The following WDR33 variants were observed in gnomAD, a reference collection of about 807,000 sequenced individuals.
WDR33 encodes the protein pre-mRNA 3' end processing protein WDR33.
WDR33 carries 47 observed loss-of-function variants against 164.9 expected under a neutral mutation model. That is an observed-to-expected ratio of 0.29 (90% CI 0.23 to 0.36). The LOEUF is 0.36. WDR33 is among the 10% of genes least tolerant of loss of function. The probability of loss-of-function intolerance (pLI) is 1.00; values close to 1 mark genes in which losing one functional copy is unlikely to be tolerated. For missense variants in WDR33, 1,137 were observed against 1,754.1 expected, an observed-to-expected ratio of 0.65 and a Z score of 6.28; for synonymous variants, 505 against 589.0, an observed-to-expected ratio of 0.86 and a Z score of 2.06.
intron 1 of WDR33, among the ~76,000 whole-genome samples, chr2:127,784,411 G>T (rs760042454): frequency 9.9e-5 from 15 of 152,084 alleles, no homozygotes; most frequent in Non-Finnish European, 1.9e-4. Flanking sequence ...TCGAGACAGG[G>T]TCTCACTCTG....
intron 1 of WDR33, among the ~76,000 whole-genome samples, chr2:127,785,300 G>T (rs1235001510): frequency 6.6e-6 from 1 of 152,042 alleles, no homozygotes; most frequent in African/African-American, 2.4e-5. Flanking sequence ...TAGAATCAAT[G>T]AACCAACACT....
At position 127,712,344 on chromosome 2, in the gene WDR33, C is replaced by T. The variant is rs757723075; in HGVS notation, c.3308+1239G>A. 1.3e-3 allele frequency among the ~76,000 whole-genome samples: 202 copies of T among 151,414 alleles called. 2 individuals are homozygous for T. The highest frequency in any genetic ancestry group is 2.3e-3 in the Non-Finnish European group (158 of 67,904). ...CTGGAAGGTGGAGGCTGCAGTGAGC[C>T]GAGATCGTGCCACTGCACTCCAGCC... is the stretch of plus-strand genomic sequence containing the variant. On this transcript the variant is annotated intron_variant, in intron 18 of 21. Coordinates refer to ENST00000322313, the MANE Select transcript of WDR33 (RefSeq NM_018383.5). This position sits in a 1 kb window ranked among gnomAD's most constrained non-coding sequence, Gnocchi z 4.0.
chr2:127,808,787 T>A (rs1689525655), intron 1 of WDR33, among the ~76,000 whole-genome samples: 1 of 151,968 alleles, frequency 6.6e-6, no homozygotes, highest in African/African-American at 2.4e-5. Flanking sequence ...TCCCAGCACT[T>A]TGGGAGGCCG....
rs1049623109 is a variant in WDR33 at position 127,764,378 on chromosome 2, A to C, written c.626+450T>G. 21 of 1,433,342 alleles carry C rather than the reference A, an allele frequency of 1.5e-5. No individual in the cohort carries two copies. Among genetic ancestry groups the C allele is most frequent in the Non-Finnish European group, 1.8e-5 (20 of 1,095,792 alleles). 88.8% of individuals were successfully genotyped at this position (1,433,342 alleles called of 1,614,324 possible). On this transcript the variant is annotated intron_variant, in intron 6 of 21. Transcript: ENST00000322313. The surrounding 1 kb of genome is among the most constrained non-coding windows in gnomAD (Gnocchi z 6.2). ...ACTTTCCTTTGGAAGTCGTGGCATA[A>C]CCAAGCCAACCAGGTCTTCACTTAA...
chr2:127,768,225 T>G lies in WDR33; in HGVS notation c.342A>C (p.Ser114=). 1.3e-6 allele frequency: 2 copies of G among 1,583,422 alleles called. No individual in the cohort carries two copies. Among genetic ancestry groups the G allele is most frequent in the African/African-American group, 2.7e-5 (2 of 74,526 alleles). ...NAVTTKFVRT[S]TNKVKCPVFV... is the part of the protein sequence containing the mutation. The stretch of plus-strand genomic sequence containing the variant: ...ATACAGGACACTTTACTTTATTTGT[T>G]GATGTCCGAACAAATTTTGTTGTTA... Residue 114 remains serine (S), a synonymous_variant, in exon 4 of 22, where the codon TCA becomes TCC. Transcript: ENST00000322313.
At chr2:127,776,789 C>T (rs917688688) in intron 1 of WDR33, among the ~76,000 whole-genome samples, 3 of 152,174 alleles carry the variant, frequency 2.0e-5, no homozygotes, top group Non-Finnish European at 2.9e-5. Context: ...TTATTGACCA[C>T]GACAGAAAGA....
intron 1 of WDR33, among the ~76,000 whole-genome samples, chr2:127,807,452 G>GT (rs1291911156): frequency 6.6e-6 from 1 of 152,150 alleles, no homozygotes; most frequent in Admixed American, 6.6e-5. Context: ...AGTTTTGCAC[G>GT]TATCATCCCA....
At chr2:127,806,210 C>CTTTTTTT (rs200197402) in intron 1 of WDR33, among the ~76,000 whole-genome samples, 9 of 132,922 alleles carry the variant, frequency 6.8e-5, no homozygotes, top group South Asian at 2.4e-4. Context: ...TTTTCTTTTT[C>CTTTTTTT]TTTTTTTTTT....
chr2:127,786,222 A>C (rs1688562926), intron 1 of WDR33, among the ~76,000 whole-genome samples: 1 of 152,066 alleles, frequency 6.6e-6, no homozygotes, highest in African/African-American at 2.4e-5. Context: ...TTTTGTAGAG[A>C]CAGGGTCTCA....
At chr2:127,757,836 CAA>C (rs1311615215) in intron 7 of WDR33, among the ~76,000 whole-genome samples, 2 of 152,132 alleles carry the variant, frequency 1.3e-5, no homozygotes, top group Non-Finnish European at 2.9e-5. Context: ...TCACACAGTT[CAA>C]AAACACACTG....
At chr2:127,750,700 A>ATATATG (rs1553475074) in intron 7 of WDR33, among the ~76,000 whole-genome samples, 3 of 61,072 alleles carry the variant, frequency 4.9e-5, no homozygotes, top group Non-Finnish European at 8.6e-5. Context: ...ATATATATAT[A>ATATATG]TATATATATA....
intron 4 of WDR33, 103 bp from the exon 5 acceptor site, chr2:127,765,372 T>C: frequency 1.3e-6 from 1 of 788,422 alleles, no homozygotes; most frequent in Non-Finnish European, 2.0e-6. Flanking sequence ...CATTAAATAA[T>C]GATACTGACT....
chr2:127,726,682 C>T lies in WDR33; in HGVS notation c.820G>A (p.Asp274Asn). 1 of 1,614,168 alleles carries T rather than the reference C, an allele frequency of 6.2e-7. No homozygotes were observed. The highest frequency in any genetic ancestry group is 8.5e-7 in the Non-Finnish European group (1 of 1,180,030). Residue 274 changes from aspartate (D) to asparagine (N), a missense_variant, in exon 8 of 22, where the codon GAT becomes AAT. Around this residue, in one of 9 missense-constraint regions of WDR33, gnomAD observed 83 missense variants for 189.2 expected, o/e 0.44. Transcript: ENST00000322313. The surrounding 1 kb of genome is among the most constrained non-coding windows in gnomAD (Gnocchi z 4.8). ...KDSQQPIKFW[D>N]PKTGQSLATL... ...GCAAGACTCTGCCCAGTCTTGGGAT[C>T]CCAGAACTTGATTGGCTGTTGACTA...
At chr2:127,766,691 C>G (rs376395857) in intron 4 of WDR33, among the ~76,000 whole-genome samples, 27 of 152,012 alleles carry the variant, frequency 1.8e-4, no homozygotes, top group South Asian at 4.2e-4. Context: ...ATTAGCTGCA[C>G]ATCATACCCC....
rs1361066491 is a variant in WDR33 at position 127,764,421 on chromosome 2, G to A, written c.626+407C>T. 1.4e-6 allele frequency: 2 copies of A among 1,446,550 alleles called. No homozygotes were observed. The highest frequency in any genetic ancestry group is 1.8e-6 in the Non-Finnish European group (2 of 1,102,856). The allele number at this position is 1,446,550 out of a possible 1,614,324, so 89.6% of individuals were successfully genotyped here. A position where few individuals can be genotyped will look rare whatever the true frequency, so the allele number is the denominator to read the frequency against. ...TCACTTAAGCCTTTTTCCACTTTGT[G>A]TGAATTCTGAAGTTGTTTTCTGTAG... is the stretch of plus-strand genomic sequence containing the variant. On this transcript the variant is annotated intron_variant, in intron 6 of 21. Transcript: ENST00000322313. This position sits in a 1 kb window ranked among gnomAD's most constrained non-coding sequence, Gnocchi z 6.2.
intron 7 of WDR33, among the ~76,000 whole-genome samples, chr2:127,761,043 AC>A (rs1337661955): frequency 1.3e-5 from 2 of 152,220 alleles, no homozygotes; most frequent in African/African-American, 4.8e-5. Flanking sequence ...TTAATGAAAC[AC>A]ATTCATTACC....
In WDR33 at chr2:127,795,427, C is replaced by T. The variant is rs200298065; in HGVS notation, c.-24+15585G>A. Among the ~76,000 whole-genome samples, 7 of 151,988 alleles carry T rather than the reference C, an allele frequency of 4.6e-5. No homozygotes were observed. The East Asian group carries it at 7.7e-4, about 17-fold the overall frequency. ...AACAATAACTTTTAATGCTGAAGGT[C>T]CTAATACCCTGATGGGTCCCAATCT... On this transcript the variant is annotated intron_variant, in intron 1 of 21. Coordinates refer to ENST00000322313, the MANE Select transcript of WDR33 (RefSeq NM_018383.5).
chr2:127,744,888 T>C (rs914812988), intron 7 of WDR33, among the ~76,000 whole-genome samples: 1 of 152,182 alleles, frequency 6.6e-6, no homozygotes, highest in African/African-American at 2.4e-5. Flanking sequence ...CTTACTTCCA[T>C]GCAATTCATA....
intron 7 of WDR33, among the ~76,000 whole-genome samples, chr2:127,728,981 C>T (rs1686636755): frequency 6.6e-6 from 1 of 152,182 alleles, no homozygotes; most frequent in Admixed American, 6.5e-5. Flanking sequence ...AAATAAACTT[C>T]AGCTGCTTTG....
Sources: gnomAD v4.1 joint callset for allele counts (sites outside exome capture counted in the v4.1 genomes callset) on GRCh38, gnomAD v4.1.1 for gene constraint, gnomAD v4.1.1 regional missense constraint, Gnocchi (gnomAD v3.1) non-coding constraint, MANE v1.5 for transcripts, NCBI Gene and HGNC (gene_info 2026-07-23, HGNC 2026-07-21) for gene names.